GALNT13: variants seen among roughly 807,000 people sequenced by gnomAD.
GALNT13 encodes UDP-GalNAc:polypeptide N-acetylgalactosaminyltransferase 13.
In GALNT13, 28 loss-of-function variants were observed where a neutral mutation model predicts 64.2. The observed-to-expected ratio is 0.44, with a 90% CI of 0.32 to 0.60. The LOEUF is 0.60. Among genes scored for constraint, GALNT13 ranks in the 20% least tolerant of loss-of-function variants. The pLI, the probability that GALNT13 is intolerant of heterozygous loss-of-function variation, is 0.05. For missense variants in GALNT13, 577 were observed against 669.8 expected (o/e 0.86, Z 1.53); for synonymous variants, 214 against 224.6 (o/e 0.95, Z 0.42).
At chr2:153,565,305 T>C in the GALNT13 span, among the ~76,000 whole-genome samples, 1 of 152,172 alleles carries the variant, frequency 6.6e-6, no homozygotes, top group South Asian at 2.1e-4. Flanking sequence ...CTATGTGATC[T>C]CAGTAATGGC....
intron 3 of GALNT13, among the ~76,000 whole-genome samples, chr2:153,958,406 A>G (rs72865081): frequency 0.071 from 10,778 of 152,280 alleles, 449 homozygotes; most frequent in Middle Eastern, 0.13. Flanking sequence ...AGTTTTAGAA[A>G]AGAAGTCTAA....
At chr2:153,729,917 C>G in the GALNT13 span, among the ~76,000 whole-genome samples, 1 of 151,652 alleles carries the variant, frequency 6.6e-6, no homozygotes, top group African/African-American at 2.4e-5. Context: ...CCACAAAACA[C>G]TGATGAACGA....
chr2:153,173,077 A>ATATC, the GALNT13 span: 1 of 150,790 alleles, frequency 6.6e-6, no homozygotes, highest in African/African-American at 2.4e-5. Context: ...ATCTTGTAAT[A>ATATC]TATATCTATA....
At chr2:153,780,268 T>C in the GALNT13 span, among the ~76,000 whole-genome samples, 1 of 146,894 alleles carries the variant, frequency 6.8e-6, no homozygotes, top group African/African-American at 2.5e-5. Context: ...TGCATATATA[T>C]ATCAGAAGCT....
At chr2:154,251,991 C>A (rs888676599) in intron 7 of GALNT13, among the ~76,000 whole-genome samples, 4 of 151,830 alleles carry the variant, frequency 2.6e-5, no homozygotes, top group African/African-American at 4.8e-5. Flanking sequence ...GTAAAAAAAA[C>A]CTTATTTTTA....
the GALNT13 span, among the ~76,000 whole-genome samples, chr2:153,678,794 T>C: frequency 2.0e-5 from 3 of 152,146 alleles, no homozygotes; most frequent in South Asian, 2.1e-4. Flanking sequence ...ATGGTTTAAA[T>C]ATGATTCAAG....
At chr2:154,276,499 G>A (rs998511487) in intron 8 of GALNT13, among the ~76,000 whole-genome samples, 1 of 152,160 alleles carries the variant, frequency 6.6e-6, no homozygotes, top group Non-Finnish European at 1.5e-5. Context: ...GCCTCCCAAA[G>A]TGCTGGCATT....
At chr2:154,291,259 TTAGC>T (rs1224640291) in intron 8 of GALNT13, among the ~76,000 whole-genome samples, 1 of 152,118 alleles carries the variant, frequency 6.6e-6, no homozygotes, top group Admixed American at 6.5e-5. Context: ...TTACAATACT[TTAGC>T]TAGACACAAA....
chr2:154,415,669 G>A (rs1699978947), intron 11 of GALNT13, among the ~76,000 whole-genome samples: 1 of 152,090 alleles, frequency 6.6e-6, no homozygotes, highest in South Asian at 2.1e-4. Context: ...TATGACAGGT[G>A]TATTAAAAAT....
the GALNT13 span, among the ~76,000 whole-genome samples, chr2:153,513,236 C>G: frequency 6.6e-6 from 1 of 152,050 alleles, no homozygotes; most frequent in African/African-American, 2.4e-5. Context: ...TTTTCTCTTT[C>G]CCATTTGAGT....
chr2:154,191,887 C>T (rs1189259963), intron 4 of GALNT13, among the ~76,000 whole-genome samples: 2 of 152,068 alleles, frequency 1.3e-5, no homozygotes, highest in Non-Finnish European at 2.9e-5. Context: ...TCAGTTAGAC[C>T]CCCCGCCTTA....
At chr2:154,178,419 G>A (rs533953521) in intron 4 of GALNT13, among the ~76,000 whole-genome samples, 2 of 126,788 alleles carry the variant, frequency 1.6e-5, no homozygotes, top group African/African-American at 5.8e-5. Context: ...ACTGTTGTGG[G>A]GTGGGGGGAG....
At chr2:153,581,709 ATTTAC>A in the GALNT13 span, among the ~76,000 whole-genome samples, 4 of 152,084 alleles carry the variant, frequency 2.6e-5, no homozygotes, top group African/African-American at 2.4e-5. Flanking sequence ...TAATCTATGT[ATTTAC>A]TTATTCAGTA....
intron 8 of GALNT13, among the ~76,000 whole-genome samples, chr2:154,300,163 C>T (rs916112035): frequency 4.2e-5 from 6 of 142,860 alleles, no homozygotes; most frequent in Admixed American, 3.7e-4. Context: ...TGCAATGGCG[C>T]GTGATCTCGG....
the GALNT13 span, among the ~76,000 whole-genome samples, chr2:153,234,256 G>C: frequency 6.6e-6 from 1 of 152,128 alleles, no homozygotes. Flanking sequence ...CTGCAGAACA[G>C]GCCTGAGTTA....
At chr2:153,316,643 A>AAAAAAAAAAAAAAAAAG in the GALNT13 span, among the ~76,000 whole-genome samples, 1 of 150,904 alleles carries the variant, frequency 6.6e-6, no homozygotes, top group African/African-American at 2.4e-5. Context: ...CCGTCTCAAA[A>AAAAAAAAAAAAAAAAAG]AAAAAAAAAA....
the GALNT13 span, among the ~76,000 whole-genome samples, chr2:153,090,958 T>A: frequency 6.6e-6 from 1 of 151,746 alleles, no homozygotes; most frequent in Non-Finnish European, 1.5e-5. Flanking sequence ...CCAGTTTCAC[T>A]CCTGCAGTGC....
At chr2:154,074,351 A>G (rs868267842) in intron 3 of GALNT13, among the ~76,000 whole-genome samples, 37 of 151,966 alleles carry the variant, frequency 2.4e-4, no homozygotes, top group Admixed American at 1.8e-3. Context: ...CTGGTATAAC[A>G]TGATACAAGG....
the GALNT13 span, among the ~76,000 whole-genome samples, chr2:153,088,125 T>G: frequency 6.6e-6 from 1 of 152,252 alleles, no homozygotes; most frequent in East Asian, 1.9e-4. Flanking sequence ...TTCTTAGCAC[T>G]GTTTTTGCTG....
Sources: gnomAD v4.1 joint callset for allele counts (sites outside exome capture counted in the v4.1 genomes callset) on GRCh38, gnomAD v4.1.1 for gene constraint, MANE v1.5 for transcripts, NCBI Gene and HGNC (gene_info 2026-07-23, HGNC 2026-07-21) for gene names.